CD5: variants seen among roughly 807,000 people sequenced by gnomAD.
The protein encoded by CD5 is T-cell surface glycoprotein CD5.
In CD5, 36 loss-of-function variants were observed where a neutral mutation model predicts 60.3. The observed-to-expected ratio is 0.60, with a 90% CI of 0.46 to 0.79. CD5 has a LOEUF of 0.79. Among genes scored for constraint, CD5 ranks in the 30% least tolerant of loss-of-function variants. The pLI is 0.00. For missense variants in CD5, 540 were observed against 630.6 expected (o/e 0.86, Z 1.54); for synonymous variants, 230 against 257.6 (o/e 0.89, Z 1.03).
upstream of CD5, among the ~76,000 whole-genome samples, chr11:61,098,939 C>T (rs12786400): frequency 1.3e-5 from 2 of 152,172 alleles, no homozygotes; most frequent in East Asian, 1.9e-4. Context: ...CCAGTGATCA[C>T]GTCCTTGAAC....
intron 1 of CD5, among the ~76,000 whole-genome samples, chr11:61,111,380 G>A (rs1388532770): frequency 8.5e-5 from 13 of 152,306 alleles, no homozygotes; most frequent in South Asian, 2.1e-4. Context: ...TACCAGGAAC[G>A]TACTCAACTC....
At chr11:61,095,102 C>T in the CD5 span, among the ~76,000 whole-genome samples, 1 of 152,168 alleles carries the variant, frequency 6.6e-6, no homozygotes, top group Admixed American at 6.5e-5. Flanking sequence ...TCCAACCCAA[C>T]ACCAGAAGAG....
At chr11:61,108,820 T>C (rs1367074849) in intron 1 of CD5, among the ~76,000 whole-genome samples, 2 of 152,232 alleles carry the variant, frequency 1.3e-5, no homozygotes, top group Non-Finnish European at 2.9e-5. Flanking sequence ...AAAGTGGTGA[T>C]AGCACCCCGT....
intron 1 of CD5, among the ~76,000 whole-genome samples, chr11:61,114,125 C>CA (rs900712893): frequency 8.6e-5 from 13 of 150,502 alleles, no homozygotes; most frequent in East Asian, 5.8e-4. Flanking sequence ...ACAAAACAAA[C>CA]AAAAAAAAAC....
At chr11:61,114,515 C>T (rs925316215) in intron 1 of CD5, among the ~76,000 whole-genome samples, 2 of 152,104 alleles carry the variant, frequency 1.3e-5, no homozygotes, top group Non-Finnish European at 2.9e-5. Context: ...GTGGCTCATG[C>T]CTGTAATCCT....
At chr11:61,106,658 CTGTG>C (rs144124304) in intron 1 of CD5, among the ~76,000 whole-genome samples, 2 of 151,924 alleles carry the variant, frequency 1.3e-5, no homozygotes, top group African/African-American at 4.8e-5. Context: ...AACATCTATT[CTGTG>C]TGTGTGTGTG....
chr11:61,108,720 C>T (rs1488114307), intron 1 of CD5, among the ~76,000 whole-genome samples: 1 of 152,138 alleles, frequency 6.6e-6, no homozygotes, highest in Non-Finnish European at 1.5e-5. Flanking sequence ...GGTCTGTGGA[C>T]TGTTAGAAGG....
At chr11:61,105,918 A>T (rs1021832956) in intron 1 of CD5, among the ~76,000 whole-genome samples, 2 of 152,162 alleles carry the variant, frequency 1.3e-5, no homozygotes, top group African/African-American at 4.8e-5. Flanking sequence ...TGAGGTCAGA[A>T]GTTCAAGACC....
upstream of CD5, among the ~76,000 whole-genome samples, chr11:61,101,910 C>A (rs1018040805): frequency 8.2e-5 from 10 of 121,968 alleles, no homozygotes; most frequent in East Asian, 2.7e-4. Flanking sequence ...CTCTCTCTCT[C>A]TACACACACA....
At chr11:61,125,600 G>A (rs573817026) in intron 9 of CD5, 151 bp from the exon 10 acceptor site, 7 of 554,472 alleles carry the variant, frequency 1.3e-5, no homozygotes, top group East Asian at 6.0e-5. Flanking sequence ...ATTAGTGAAC[G>A]TTTGGCTGAT....
rs959799700 is a variant in CD5, at chr11:61,118,215, G to A, written c.135G>A (p.Gln45=). The change falls in exon 3 of 11, where the codon CAG becomes CAA. Residue 45 remains glutamine, a synonymous_variant. Coordinates refer to ENST00000347785, the MANE Select transcript of CD5 (RefSeq NM_014207.4). The surrounding 1 kb of genome is among the most constrained non-coding windows in gnomAD (Gnocchi z 4.7). ...TCACCCGTTCCAACTCGAAGTGCCA[G>A]GGCCAGCTGGAGGTCTACCTCAAGG... ...ARLTRSNSKC[Q]GQLEVYLKDG... 1.2e-6 allele frequency: 2 copies of A among 1,614,096 alleles called. No homozygotes were observed. The highest frequency in any genetic ancestry group is 1.3e-5 in the African/African-American group (1 of 74,950).
At chr11:61,108,828 C>T (rs1032104488) in intron 1 of CD5, among the ~76,000 whole-genome samples, 10 of 152,192 alleles carry the variant, frequency 6.6e-5, no homozygotes, top group Non-Finnish European at 1.0e-4. Context: ...GATAGCACCC[C>T]GTCTTCTGAG....
chr11:61,108,051 G>A (rs1388233678), intron 1 of CD5, among the ~76,000 whole-genome samples: 1 of 152,146 alleles, frequency 6.6e-6, no homozygotes. Context: ...GTGTGACCTT[G>A]GGCAAGTCAC....
intron 1 of CD5, among the ~76,000 whole-genome samples, chr11:61,104,116 G>T (rs1468653347): frequency 1.0e-4 from 15 of 150,454 alleles, no homozygotes; most frequent in African/African-American, 3.7e-4. Context: ...TGTGTGGGGG[G>T]AATGTGTGAG....
intron 2 of CD5, among the ~76,000 whole-genome samples, chr11:61,117,136 C>T (rs984762394): frequency 2.0e-5 from 3 of 152,208 alleles, no homozygotes; most frequent in African/African-American, 7.2e-5. Flanking sequence ...AACTATCATT[C>T]GGCAATAAAA....
chr11:61,123,163 G>A, intron 7 of CD5, 131 bp downstream of exon 7: 1 of 1,073,134 alleles, frequency 9.3e-7, no homozygotes, highest in African/African-American at 1.6e-5. Context: ...TCACCACCCA[G>A]CCTTCCCCTC....
At chr11:61,095,010 G>A in the CD5 span, among the ~76,000 whole-genome samples, 1 of 152,190 alleles carries the variant, frequency 6.6e-6, no homozygotes, top group Non-Finnish European at 1.5e-5. Context: ...ACAGGCAGCA[G>A]CAGTACTAGT....
At chr11:61,112,413 G>C (rs566330010) in intron 1 of CD5, among the ~76,000 whole-genome samples, 1 of 152,206 alleles carries the variant, frequency 6.6e-6, no homozygotes, top group African/African-American at 2.4e-5. Flanking sequence ...GGAGGCTGAG[G>C]GGGGTGGATC....
intron 5 of CD5, 124 bp downstream of exon 5, chr11:61,119,699 G>A (rs1861027463): frequency 1.4e-6 from 1 of 705,628 alleles, no homozygotes. Flanking sequence ...AAGGGAAGTG[G>A]AGGCCTGGTC....
Sources: allele counts gnomAD v4.1 joint callset (sites outside exome capture counted in the v4.1 genomes callset), GRCh38; gene constraint gnomAD v4.1.1; non-coding constraint Gnocchi (gnomAD v3.1); transcripts MANE v1.5; gene names NCBI Gene and HGNC (gene_info 2026-07-23, HGNC 2026-07-21).